The following B3GNT5 variants were observed in gnomAD, a reference collection of about 807,000 sequenced individuals.
B3GNT5 encodes the protein lactosylceramide 1,3-N-acetyl-beta-D-glucosaminyltransferase.
Under a neutral mutation model 25.9 loss-of-function variants are expected in B3GNT5, and 11 were observed. The ratio of observed to expected loss-of-function variants is 0.42; its 90% CI spans 0.27 to 0.70. The LOEUF (loss-of-function observed/expected upper bound fraction) is 0.70, where lower values mean the gene tolerates loss of function less well. B3GNT5 is among the 30% of genes least tolerant of loss of function. The pLI is 0.23. For missense variants in B3GNT5, 385 were observed against 458.4 expected (o/e 0.84, Z 1.46); for synonymous variants, 166 against 158.6 (o/e 1.05, Z -0.35).
chr3:183,261,628 A>ATT (rs1027978054), intron 1 of B3GNT5, among the ~76,000 whole-genome samples: 1 of 152,120 alleles, frequency 6.6e-6, no homozygotes, highest in Non-Finnish European at 1.5e-5. Flanking sequence ...TATTAAATTG[A>ATT]TTTTTTAAAT....
chr3:183,262,843 T>C (rs1725746299), intron 1 of B3GNT5, among the ~76,000 whole-genome samples: 2 of 152,068 alleles, frequency 1.3e-5, no homozygotes, highest in African/African-American at 2.4e-5. Flanking sequence ...AGCTAGATAG[T>C]GCCATTTGTG....
chr3:183,264,804 A>G (rs375946024), intron 1 of B3GNT5, among the ~76,000 whole-genome samples: 1 of 152,222 alleles, frequency 6.6e-6, no homozygotes, highest in African/African-American at 2.4e-5. Flanking sequence ...GTTTTTTCCC[A>G]AAAAGTTTAA....
rs1286953421 is a variant in B3GNT5 at position 183,267,138 on chromosome 3, A to AAC, written c.-301-2348_-301-2347dup. Among the ~76,000 whole-genome samples the AAC allele has an allele frequency of 6.6e-5, 10 of 151,934 alleles. No individual in the cohort carries two copies. The highest frequency in any genetic ancestry group is 4.2e-4 in the South Asian group (2 of 4,812). ...CAACACATTTCCCATTACACCCCTG[A>AAC]ACACACACACACAGAAAACCCAAAA... On this transcript the variant is annotated intron_variant, in intron 1 of 1. Coordinates refer to ENST00000326505, the MANE Select transcript of B3GNT5 (RefSeq NM_032047.5). The surrounding 1 kb of genome is among the most constrained non-coding windows in gnomAD (Gnocchi z 5.5).
chr3:183,254,602 C>A (rs953956903), intron 1 of B3GNT5: 3 of 152,162 alleles, frequency 2.0e-5, no homozygotes, highest in African/African-American at 4.8e-5. Flanking sequence ...GCGGGACAGG[C>A]CCGTGCGCGG....
chr3:183,259,809 A>G (rs1725423296), intron 1 of B3GNT5, among the ~76,000 whole-genome samples: 1 of 152,152 alleles, frequency 6.6e-6, no homozygotes, highest in African/African-American at 2.4e-5. Context: ...TGATGAGGTC[A>G]CTTCTGCCCA....
At chr3:183,256,793 CTG>C (rs1725080946) in intron 1 of B3GNT5, among the ~76,000 whole-genome samples, 1 of 152,064 alleles carries the variant, frequency 6.6e-6, no homozygotes, top group Admixed American at 6.5e-5. Context: ...AATCTTATAC[CTG>C]TGTCATCCTA....
chr3:183,259,585 G>A (rs1725397881), intron 1 of B3GNT5, among the ~76,000 whole-genome samples: 1 of 152,128 alleles, frequency 6.6e-6, no homozygotes, highest in African/African-American at 2.4e-5. Flanking sequence ...GAGAATGGCA[G>A]CTTTTCCAGG....
chr3:183,258,020 T>A (rs1432260230), intron 1 of B3GNT5, among the ~76,000 whole-genome samples: 8 of 123,762 alleles, frequency 6.5e-5, no homozygotes, highest in Non-Finnish European at 1.3e-4. Flanking sequence ...CAGGCTGGAG[T>A]GCAATGGTGC....
In B3GNT5 at chr3:183,272,326, T is replaced by G. The variant is rs1476230001; in HGVS notation, c.*1391T>G. ...TTATATGAAGGCCAAAATAATGACT[T>G]CAGCAAGAGTGACTGAACTCACTCT... On this transcript the variant is annotated 3_prime_UTR_variant, in exon 2 of 2. Transcript: ENST00000326505. 4.0e-6 allele frequency: 4 copies of G among 1,000,114 alleles called. No homozygotes were observed. The African/African-American group carries it at 7.0e-5, about 17-fold the overall frequency. 62.0% of individuals were successfully genotyped at this position (1,000,114 alleles called of 1,614,324 possible).
rs777149179 is a variant in B3GNT5 at position 183,272,541 on chromosome 3, T to C, written c.*1606T>C. 51 of 993,522 alleles carry C rather than the reference T, an allele frequency of 5.1e-5. No individual in the cohort carries two copies. Among genetic ancestry groups the C allele is most frequent in the Non-Finnish European group, 6.1e-5 (50 of 824,242 alleles). The allele number at this position is 993,522 out of a possible 1,614,324, so 61.5% of individuals were successfully genotyped here. ...ATTTTAATTTTTTTCTATTTTGAAA[T>C]TTGAGGCTTGTTTACATTGCTTAGA... On this transcript the variant is annotated 3_prime_UTR_variant, in exon 2 of 2. Transcript: ENST00000326505.
Position 183,270,074 on chromosome 3 carries a change from G to A in B3GNT5, c.276G>A (p.Leu92=). Residue 92 remains leucine (L), a synonymous_variant, in exon 2 of 2, where the codon CTG becomes CTA. Transcript: ENST00000326505. This position sits in a 1 kb window ranked among gnomAD's most constrained non-coding sequence, Gnocchi z 4.5. The part of the protein sequence containing the change: ...KCQAQDVLLL[L]FVKTAPENYD... ...AAGCTCAAGACGTCCTCCTTTTACT[G>A]TTTGTAAAAACTGCTCCTGAAAACT... 1 of 1,614,136 alleles carries A rather than the reference G, an allele frequency of 6.2e-7. No individual in the cohort carries two copies. The highest frequency in any genetic ancestry group is 1.1e-5 in the South Asian group (1 of 91,076).
rs71314296 is a variant in B3GNT5, at chr3:183,261,666, T to C, written c.-301-7832T>C. Among the ~76,000 whole-genome samples the C allele has an allele frequency of 4.9e-3, 749 of 152,296 alleles. 2 individuals carry two copies. The highest frequency in any genetic ancestry group is 8.2e-3 in the Non-Finnish European group (557 of 68,012). ...AGAAAATTATCAGTTCAGTCTTGTT[T>C]TCTATGTAGGTTTCACTACAGTATT... On this transcript the variant is annotated intron_variant, in intron 1 of 1. Transcript: ENST00000326505.
rs781255035 is a variant in B3GNT5 at position 183,270,136 on chromosome 3, A to G, written c.338A>G (p.Asn113Ser). The change falls in exon 2 of 2, where the codon AAT (asparagine) becomes AGT (serine). Residue 113 changes from asparagine (N) to serine (S), a missense_variant. Coordinates refer to ENST00000326505, the MANE Select transcript of B3GNT5 (RefSeq NM_032047.5). This position sits in a 1 kb window ranked among gnomAD's most constrained non-coding sequence, Gnocchi z 4.5. Reference protein sequence around the residue: ...RRSGIRRTWGNENYVRSQLNA... With the variant: ...RRSGIRRTWGSENYVRSQLNA... ...TCCGGAATTAGAAGGACGTGGGGCA[A>G]TGAAAATTATGTTCGGTCTCAGCTG... is the stretch of plus-strand genomic sequence containing the variant. The G allele has an allele frequency of 3.1e-6, 5 of 1,614,012 alleles. No homozygotes were observed. The African/African-American group carries it at 6.7e-5, about 22-fold the overall frequency.
At position 183,264,145 on chromosome 3, in the gene B3GNT5, C is replaced by T. The variant is rs1027261847; in HGVS notation, c.-301-5353C>T. On this transcript the variant is annotated intron_variant, in intron 1 of 1. Transcript: ENST00000326505. ...TGACTTCCTGCTGCTTTCTGTACCC[C>T]CCTAAGACTCCTCTACCTGATTTTC... is the stretch of plus-strand genomic sequence containing the variant. Among the ~76,000 whole-genome samples the T allele has an allele frequency of 5.3e-5, 8 of 152,200 alleles. 1 individual carries two copies. In the South Asian group the frequency reaches 1.7e-3, roughly 32 times the overall value.
chr3:183,254,543 T>G (rs1255119404), intron 1 of B3GNT5: 1 of 152,030 alleles, frequency 6.6e-6, no homozygotes, highest in Non-Finnish European at 1.5e-5. Context: ...TGGGGCGGCT[T>G]CCCGGGGCCT....
In B3GNT5 at chr3:183,270,285, G is replaced by A. The variant is rs1429424457; in HGVS notation, c.487G>A (p.Asp163Asn). 2 of 1,614,144 alleles carry A rather than the reference G, an allele frequency of 1.2e-6. No individual in the cohort carries two copies. Among genetic ancestry groups the A allele is most frequent in the Non-Finnish European group, 1.7e-6 (2 of 1,180,020 alleles). ...YNDIIQQDFV[D>N]SFYNLTLKLL... ...TGATATAATTCAGCAAGACTTTGTT[G>A]ATTCTTTCTACAATCTTACTCTGAA... The change falls in exon 2 of 2, where the codon GAT becomes AAT. Residue 163 changes from aspartate to asparagine, a missense_variant. By Grantham distance (23) the Asp-to-Asn change is conservative (BLOSUM62 1). Coordinates refer to ENST00000326505, the MANE Select transcript of B3GNT5 (RefSeq NM_032047.5). The surrounding 1 kb of genome is among the most constrained non-coding windows in gnomAD (Gnocchi z 4.5).
chr3:183,268,733 C>T lies in B3GNT5; in HGVS notation c.-301-765C>T, dbSNP rs114775451. ...AGACTTCGAGTTAAACGGTCTTACC[C>T]CAATTTGTCAAATTTCTGCGCATGA... On this transcript the variant is annotated intron_variant, in intron 1 of 1. Coordinates refer to ENST00000326505, the MANE Select transcript of B3GNT5 (RefSeq NM_032047.5). 3.8e-3 allele frequency among the ~76,000 whole-genome samples: 576 copies of T among 152,204 alleles called. 4 individuals carry two copies. Among genetic ancestry groups the T allele is most frequent in the African/African-American group, 0.013 (543 of 41,522 alleles).
At chr3:183,255,479 A>T (rs935846308) in intron 1 of B3GNT5, among the ~76,000 whole-genome samples, 5 of 152,150 alleles carry the variant, frequency 3.3e-5, no homozygotes, top group African/African-American at 9.7e-5. Flanking sequence ...CCTCCCGCAC[A>T]CGCTCTGAGC....
chr3:183,257,861 C>T (rs928408871), intron 1 of B3GNT5, among the ~76,000 whole-genome samples: 6 of 151,990 alleles, frequency 3.9e-5, no homozygotes, highest in African/African-American at 2.4e-5. Context: ...TTTGACATTT[C>T]CCCACTCAAG....
Sources: gnomAD v4.1 joint callset for allele counts (sites outside exome capture counted in the v4.1 genomes callset) on GRCh38, gnomAD v4.1.1 for gene constraint, Gnocchi (gnomAD v3.1) non-coding constraint, MANE v1.5 for transcripts, NCBI Gene and HGNC (gene_info 2026-07-23, HGNC 2026-07-21) for gene names.